Variants in ANKIB1 observed in about 807,000 individuals in gnomAD.
ANKIB1 encodes the protein ankyrin repeat and IBR domain containing 1.
In ANKIB1, 43 loss-of-function variants were observed where a neutral mutation model predicts 122.1. The observed-to-expected ratio is 0.35, with a 90% CI of 0.28 to 0.45. The LOEUF is 0.45. Ranked by LOEUF, ANKIB1 falls within the 20% of genes least tolerant of loss-of-function variation. The pLI is 1.00. For missense variants in ANKIB1, 992 were observed against 1,329.5 expected, an observed-to-expected ratio of 0.75 and a Z score of 3.95; for synonymous variants, 390 against 442.0, an observed-to-expected ratio of 0.88 and a Z score of 1.48.
intron 11 of ANKIB1, among the ~76,000 whole-genome samples, chr7:92,377,326 C>CAT (rs768612462): frequency 3.9e-5 from 6 of 152,062 alleles, no homozygotes; most frequent in Admixed American, 6.6e-5. Flanking sequence ...ACACATACAA[C>CAT]ATATATATAT....
chr7:92,263,078 G>T (rs1210028254), intron 1 of ANKIB1, among the ~76,000 whole-genome samples: 5 of 152,136 alleles, frequency 3.3e-5, no homozygotes, highest in East Asian at 1.9e-4. Flanking sequence ...TTTCCAAAAT[G>T]ATTAAACTTC....
intron 7 of ANKIB1, among the ~76,000 whole-genome samples, chr7:92,349,854 A>G (rs1803619610): frequency 6.6e-6 from 1 of 152,074 alleles, no homozygotes. Context: ...TGTTGGTGGC[A>G]GATCTGGAAT....
At chr7:92,298,768 TAAAAA>T (rs34091044) in intron 2 of ANKIB1, among the ~76,000 whole-genome samples, 49 of 117,578 alleles carry the variant, frequency 4.2e-4, no homozygotes, top group African/African-American at 1.4e-3. Flanking sequence ...CACTTGCAGT[TAAAAA>T]AAAAAAAAAA....
intron 1 of ANKIB1, among the ~76,000 whole-genome samples, chr7:92,269,091 T>G (rs2131889890): frequency 6.6e-6 from 1 of 152,346 alleles, no homozygotes; most frequent in Non-Finnish European, 1.5e-5. Flanking sequence ...TATCTTTCAT[T>G]TTATAATACA....
At chr7:92,339,210 T>G (rs1395700228) in intron 5 of ANKIB1, among the ~76,000 whole-genome samples, 1 of 150,282 alleles carries the variant, frequency 6.7e-6, no homozygotes, top group African/African-American at 2.4e-5. Context: ...CCTGGCTAAT[T>G]TTTTTGTATT....
intron 7 of ANKIB1, among the ~76,000 whole-genome samples, chr7:92,345,935 T>C (rs1393368866): frequency 2.0e-5 from 3 of 152,106 alleles, no homozygotes. Context: ...TTGACATACA[T>C]AAAGCCACAC....
intron 7 of ANKIB1, among the ~76,000 whole-genome samples, chr7:92,350,574 T>C (rs561500701): frequency 6.6e-6 from 1 of 152,158 alleles, no homozygotes; most frequent in South Asian, 2.1e-4. Context: ...TAAAGGAAAA[T>C]TGGCCAGACA....
At chr7:92,317,230 T>C (rs892818771) in intron 3 of ANKIB1, among the ~76,000 whole-genome samples, 5 of 152,236 alleles carry the variant, frequency 3.3e-5, no homozygotes, top group Non-Finnish European at 5.9e-5. Flanking sequence ...GGTTGTACTT[T>C]AGGCTCATTG....
intron 3 of ANKIB1, among the ~76,000 whole-genome samples, chr7:92,312,097 C>T (rs1253072294): frequency 6.6e-6 from 1 of 152,078 alleles, no homozygotes; most frequent in African/African-American, 2.4e-5. Flanking sequence ...TTGCATCAAA[C>T]TCATACTACC....
intron 7 of ANKIB1, 95 bp downstream of exon 7, chr7:92,345,161 GT>G: frequency 2.4e-6 from 2 of 837,428 alleles, no homozygotes; most frequent in Non-Finnish European, 3.8e-6. Flanking sequence ...GATGCAAATT[GT>G]TTATATTGAC....
Position 92,290,771 on chromosome 7 carries a change from G to A in ANKIB1, c.-90-4118G>A, listed in dbSNP as rs372612268. On this transcript the variant is annotated intron_variant, in intron 1 of 19. Transcript: ENST00000265742. ...ATCAATGGTGCAGTTGGGAGACAGAGATTTGAAGCTAGAATTATACACTTA... is the reference window on the plus strand; with the variant it reads ...ATCAATGGTGCAGTTGGGAGACAGAAATTTGAAGCTAGAATTATACACTTA... Among the ~76,000 whole-genome samples, 12 of 152,242 alleles carry A rather than the reference G, an allele frequency of 7.9e-5. 1 individual carries two copies. The East Asian group carries it at 1.9e-3, about 25-fold the overall frequency.
chr7:92,292,290 GA>G, intron 1 of ANKIB1, among the ~76,000 whole-genome samples: 1 of 152,092 alleles, frequency 6.6e-6, no homozygotes, highest in African/African-American at 2.4e-5. Context: ...GAAAATAACT[GA>G]AAGCCACAAA....
chr7:92,283,986 G>A lies in ANKIB1; in HGVS notation c.-90-10903G>A, dbSNP rs1802061802. Among the ~76,000 whole-genome samples the A allele has an allele frequency of 2.0e-5, 3 of 152,220 alleles. No individual in the cohort carries two copies. In the South Asian group the frequency reaches 6.2e-4, roughly 32 times the overall value. ...GGGTTTCATCATGTTGGCCAGGCTG[G>A]TCTCCATCTCCTGACCTCGTGATCT... On this transcript the variant is annotated intron_variant, in intron 1 of 19. Transcript: ENST00000265742.
At chr7:92,358,207 A>T (rs1803865255) in intron 9 of ANKIB1, among the ~76,000 whole-genome samples, 1 of 152,248 alleles carries the variant, frequency 6.6e-6, no homozygotes, top group South Asian at 2.1e-4. Context: ...GTGCCATTGC[A>T]CTCCAGCCTG....
At chr7:92,376,479 C>T (rs1180789186) in intron 11 of ANKIB1, among the ~76,000 whole-genome samples, 1 of 148,298 alleles carries the variant, frequency 6.7e-6, no homozygotes, top group Non-Finnish European at 1.5e-5. Flanking sequence ...GACAAAGTCT[C>T]GCTCTTGTCC....
At position 92,398,964 on chromosome 7, in the gene ANKIB1, G is replaced by A. The variant is rs551186757; in HGVS notation, c.*15G>A. 15 of 1,528,726 alleles carry A rather than the reference G, an allele frequency of 9.8e-6. No homozygotes were observed. In the Admixed American group the frequency reaches 1.7e-4, roughly 17 times the overall value. The allele number at this position is 1,528,726 out of a possible 1,614,324, so 94.7% of individuals were successfully genotyped here. ...ATTTAGTGTGAACTGCACACATCTG[G>A]GCTCTAAATGAATTACAGGTACAGA... On this transcript the variant is annotated 3_prime_UTR_variant, in exon 20 of 20. Transcript: ENST00000265742.
In ANKIB1 at chr7:92,352,563, A is replaced by G; in HGVS notation, c.1318A>G (p.Thr440Ala). 6.2e-7 allele frequency: 1 copy of G among 1,613,686 alleles called. No homozygotes were observed. The highest frequency in any genetic ancestry group is 1.1e-5 in the South Asian group (1 of 90,982). Reference sequence around the variant, plus strand: ...AAGACTAACGAAACAAGGGTCAAATACATCTGGATCTGATACACTCAGCTT... The same window carrying G: ...AAGACTAACGAAACAAGGGTCAAATGCATCTGGATCTGATACACTCAGCTT... ...AVRLTKQGSN[T>A]SGSDTLSFPL... The change falls in exon 9 of 20, where the codon ACA becomes GCA. Residue 440 changes from threonine to alanine, a missense_variant. Thr to Ala is a moderately conservative substitution (Grantham distance 58). Transcript: ENST00000265742.
At chr7:92,312,173 A>C (rs1007727960) in intron 3 of ANKIB1, among the ~76,000 whole-genome samples, 1 of 152,088 alleles carries the variant, frequency 6.6e-6, no homozygotes, top group Non-Finnish European at 1.5e-5. Context: ...CCACTTTCTA[A>C]CACCAAGTGC....
At chr7:92,396,208 C>T in intron 17 of ANKIB1, 157 bp from the exon 18 acceptor site, 1 of 615,150 alleles carries the variant, frequency 1.6e-6, no homozygotes, top group East Asian at 2.9e-5. Flanking sequence ...TTTTGTGTTT[C>T]CTTGGCATGG....
Sources: allele counts gnomAD v4.1 joint callset (sites outside exome capture counted in the v4.1 genomes callset), GRCh38; gene constraint gnomAD v4.1.1; transcripts MANE v1.5; gene names NCBI Gene and HGNC (gene_info 2026-07-23, HGNC 2026-07-21).